Variants in LRRC28 observed in about 807,000 individuals in gnomAD.
The protein encoded by LRRC28 is leucine-rich repeat-containing protein 28.
Under a neutral mutation model 45.7 loss-of-function variants are expected in LRRC28, and 39 were observed. That is an observed-to-expected ratio of 0.85 (90% CI 0.66 to 1.12). LRRC28 has a LOEUF of 1.12. LRRC28 is among the 50% of genes most tolerant of loss of function. The probability of loss-of-function intolerance (pLI) is 0.00; values close to 1 mark genes in which losing one functional copy is unlikely to be tolerated. For missense variants in LRRC28, 435 were observed against 438.5 expected (o/e 0.99, Z 0.07); for synonymous variants, 206 against 178.8 (o/e 1.15, Z -1.22).
At chr15:99,271,050 C>T (rs776974329) in intron 2 of LRRC28, among the ~76,000 whole-genome samples, 21 of 152,144 alleles carry the variant, frequency 1.4e-4, no homozygotes, top group Non-Finnish European at 2.9e-4. Flanking sequence ...GCTTGTTGGT[C>T]ATTTGCATAT....
chr15:99,262,121 A>G (rs893396205), intron 2 of LRRC28, among the ~76,000 whole-genome samples: 2 of 152,154 alleles, frequency 1.3e-5, no homozygotes, highest in Non-Finnish European at 2.9e-5. Context: ...ACAAAAAATC[A>G]TACATATTTC....
At chr15:99,270,939 T>C (rs537156699) in intron 2 of LRRC28, among the ~76,000 whole-genome samples, 9 of 152,218 alleles carry the variant, frequency 5.9e-5, no homozygotes, top group Non-Finnish European at 1.0e-4. Flanking sequence ...TTTTCTTTTT[T>C]TGTTAGTGTT....
chr15:99,276,251 A>G (rs932681282), intron 2 of LRRC28, among the ~76,000 whole-genome samples: 2 of 151,834 alleles, frequency 1.3e-5, no homozygotes, highest in African/African-American at 4.8e-5. Flanking sequence ...ATAAAGTGCA[A>G]AATAAATGTA....
chr15:99,381,045 G>A (rs1340143970), intron 9 of LRRC28, among the ~76,000 whole-genome samples: 1 of 152,162 alleles, frequency 6.6e-6, no homozygotes, highest in Non-Finnish European at 1.5e-5. Context: ...TCTTTGTGGT[G>A]TTCTCTGTAT....
At chr15:99,354,028 C>T (rs1490435097) in intron 7 of LRRC28, 1 of 152,030 alleles carries the variant, frequency 6.6e-6, no homozygotes, top group Non-Finnish European at 1.5e-5. Flanking sequence ...TATTATTAAA[C>T]TTTTGTTATA....
chr15:99,287,256 G>A lies in LRRC28; in HGVS notation c.210-1G>A, dbSNP rs2081983061. On this transcript the variant is annotated splice_acceptor_variant, in intron 3 of 9. Coordinates refer to ENST00000301981, the MANE Select transcript of LRRC28 (RefSeq NM_144598.5). LOFTEE classifies it high-confidence loss of function. ...CTGTTTTTTTTCTTTTTCCTTCCTA[G>A]ATACCTGCACTCAAATAACATAGTT... 1 of 1,570,944 alleles carries A rather than the reference G, an allele frequency of 6.4e-7. No individual in the cohort carries two copies. Among genetic ancestry groups the A allele is most frequent in the Non-Finnish European group, 8.6e-7 (1 of 1,162,040 alleles).
chr15:99,343,453 A>G (rs1053470804), intron 6 of LRRC28, among the ~76,000 whole-genome samples: 2 of 152,210 alleles, frequency 1.3e-5, no homozygotes, highest in Admixed American at 6.5e-5. Context: ...GCAAACAAAC[A>G]AACAGAATTG....
intron 5 of LRRC28, among the ~76,000 whole-genome samples, chr15:99,296,592 C>G (rs1356750971): frequency 6.6e-6 from 1 of 152,160 alleles, no homozygotes; most frequent in East Asian, 1.9e-4. Flanking sequence ...TCTGGTGTCA[C>G]CAGGCTGTAT....
intron 5 of LRRC28, among the ~76,000 whole-genome samples, chr15:99,303,730 A>C (rs145786275): frequency 0.04 from 6,121 of 152,110 alleles, 244 homozygotes; most frequent in African/African-American, 0.1. Flanking sequence ...GCTACTCAGG[A>C]GGCTGAGGCA....
intron 2 of LRRC28, among the ~76,000 whole-genome samples, chr15:99,267,932 T>A (rs1298057429): frequency 1.3e-5 from 2 of 152,176 alleles, no homozygotes; most frequent in Non-Finnish European, 2.9e-5. Flanking sequence ...TTAACTCTAT[T>A]TATGGAGTCA....
chr15:99,301,039 A>C (rs1485315758), intron 5 of LRRC28, among the ~76,000 whole-genome samples: 8 of 152,174 alleles, frequency 5.3e-5, no homozygotes. Flanking sequence ...TTTTATATAC[A>C]CAGGGTGTTG....
In LRRC28 at chr15:99,287,845, G is replaced by A. The variant is rs747277257; in HGVS notation, c.279G>A (p.Leu93=). The change falls in exon 5 of 10, where the codon CTG becomes CTA. Residue 93 remains leucine, a synonymous_variant. Transcript: ENST00000301981. The part of the protein sequence containing the change: ...AIGSLVKLQC[L]DLSDNALEIV... ...GGTCTCTTGTAAAACTCCAATGTCT[G>A]GATCTTAGTGACAATGCCTTAGAAA... 2 of 1,613,392 alleles carry A rather than the reference G, an allele frequency of 1.2e-6. No homozygotes were observed. The highest frequency in any genetic ancestry group is 8.5e-7 in the Non-Finnish European group (1 of 1,179,624).
intron 9 of LRRC28, among the ~76,000 whole-genome samples, chr15:99,377,313 TTC>T (rs1281256487): frequency 1.3e-5 from 2 of 152,044 alleles, no homozygotes; most frequent in Non-Finnish European, 1.5e-5. Flanking sequence ...TGAGCATTTT[TTC>T]ATGTGTTTTT....
chr15:99,384,611 G>A (rs1957927791), intron 9 of LRRC28: 1 of 152,212 alleles, frequency 6.6e-6, no homozygotes, highest in Non-Finnish European at 1.5e-5. Flanking sequence ...ACAGTCAAAA[G>A]AAGCCATCTC....
chr15:99,383,076 T>G (rs1367854345), intron 9 of LRRC28, among the ~76,000 whole-genome samples: 1 of 152,192 alleles, frequency 6.6e-6, no homozygotes, highest in Non-Finnish European at 1.5e-5. Context: ...CAGAACATTT[T>G]CTCACCCATA....
intron 2 of LRRC28, among the ~76,000 whole-genome samples, chr15:99,264,798 A>G (rs564916558): frequency 6.6e-6 from 1 of 152,104 alleles, no homozygotes; most frequent in African/African-American, 2.4e-5. Flanking sequence ...GTAAATGCTG[A>G]TAGGAAATTC....
intron 9 of LRRC28, 162 bp downstream of exon 9, chr15:99,363,427 C>G: frequency 2.8e-6 from 2 of 704,820 alleles, no homozygotes; most frequent in South Asian, 4.4e-5. Flanking sequence ...TTCAACATCA[C>G]AAGAAAACTG....
intron 2 of LRRC28, among the ~76,000 whole-genome samples, chr15:99,262,615 C>G (rs1185564044): frequency 6.6e-6 from 1 of 152,044 alleles, no homozygotes; most frequent in Non-Finnish European, 1.5e-5. Flanking sequence ...ATTTGATTAT[C>G]ATTTATTTGT....
chr15:99,355,738 A>AG (rs1957029782), intron 7 of LRRC28: 1 of 142,258 alleles, frequency 7.0e-6, no homozygotes, highest in Non-Finnish European at 1.5e-5. Flanking sequence ...TAATTATGTA[A>AG]GAAAAAAAAA....
Sources: allele counts gnomAD v4.1 joint callset (sites outside exome capture counted in the v4.1 genomes callset), GRCh38; gene constraint gnomAD v4.1.1; transcripts MANE v1.5; gene names NCBI Gene and HGNC (gene_info 2026-07-23, HGNC 2026-07-21).